STX11: variants seen among roughly 807,000 people sequenced by gnomAD.
The protein encoded by STX11 is syntaxin-11.
Under a neutral mutation model 19.9 loss-of-function variants are expected in STX11, and 21 were observed. The ratio of observed to expected loss-of-function variants is 1.06; its 90% CI spans 0.75 to 1.52. The LOEUF is 1.52. STX11 is among the 40% of genes most tolerant of loss of function. The pLI, the probability that STX11 is intolerant of heterozygous loss-of-function variation, is 0.00. For missense variants in STX11, 438 were observed against 405.9 expected (o/e 1.08, Z -0.68); for synonymous variants, 193 against 174.4 (o/e 1.11, Z -0.84).
At chr6:144,181,546 G>A (rs1157987156) in intron 1 of STX11, among the ~76,000 whole-genome samples, 2 of 128,670 alleles carry the variant, frequency 1.6e-5, no homozygotes, top group Non-Finnish European at 3.1e-5. Flanking sequence ...AGTGAGCCGA[G>A]ATAGTACCAC....
At chr6:144,140,109 AC>A in the STX11 span, among the ~76,000 whole-genome samples, 1 of 149,986 alleles carries the variant, frequency 6.7e-6, no homozygotes, top group Non-Finnish European at 1.5e-5. Flanking sequence ...AAAGATCATC[AC>A]CCACAGAGGC....
At chr6:144,179,300 C>T (rs1341958933) in intron 1 of STX11, among the ~76,000 whole-genome samples, 1 of 152,150 alleles carries the variant, frequency 6.6e-6, no homozygotes, top group Non-Finnish European at 1.5e-5. Flanking sequence ...ATGGGAGTAC[C>T]ATTCAAGATG....
At chr6:144,185,545 A>ATTACT (rs1324032871) in intron 1 of STX11, among the ~76,000 whole-genome samples, 1 of 152,236 alleles carries the variant, frequency 6.6e-6, no homozygotes, top group Non-Finnish European at 1.5e-5. Flanking sequence ...AAGCAGAGGA[A>ATTACT]TTACCAGAAC....
At chr6:144,148,590 C>T (rs1260557363), upstream of STX11, among the ~76,000 whole-genome samples, 2 of 152,166 alleles carry the variant, frequency 1.3e-5, no homozygotes, top group Non-Finnish European at 1.5e-5. Context: ...ACTAATTAAT[C>T]AACCTTGATT....
rs1367569246 is a variant in STX11 at position 144,154,247 on chromosome 6, G to T, written c.-6+3544G>T. ...GACTTTGTGGTAAGCTCAGGTTGAA[G>T]TCACTCTCCTGCCCCTAACAATTCT... On this transcript the variant is annotated intron_variant, in intron 1 of 1. Transcript: ENST00000367568. This position sits in a 1 kb window ranked among gnomAD's most constrained non-coding sequence, Gnocchi z 4.7. 6.6e-6 allele frequency among the ~76,000 whole-genome samples: 1 copy of T among 152,200 alleles called. No homozygotes were observed. Among genetic ancestry groups the T allele is most frequent in the East Asian group, 1.9e-4 (1 of 5,192 alleles).
upstream of STX11, among the ~76,000 whole-genome samples, chr6:144,149,886 G>A (rs756636553): frequency 1.2e-4 from 18 of 152,176 alleles, no homozygotes; most frequent in Non-Finnish European, 2.4e-4. This position sits in a 1 kb window ranked among gnomAD's most constrained non-coding sequence, Gnocchi z 5.1. Context: ...ATCCCTCCCC[G>A]TTAAAGTGCC....
rs1801378343 is a variant in STX11, at chr6:144,162,859, C to T, written c.-6+12156C>T. 6.6e-6 allele frequency among the ~76,000 whole-genome samples: 1 copy of T among 152,278 alleles called. No homozygotes were observed. Among genetic ancestry groups the T allele is most frequent in the Non-Finnish European group, 1.5e-5 (1 of 68,028 alleles). ...TATTCATAGAAAGTGTGTATGTTTA[C>T]CAACATGAGTGACAACATAAGTATT... On this transcript the variant is annotated intron_variant, in intron 1 of 1. Coordinates refer to ENST00000367568, the MANE Select transcript of STX11 (RefSeq NM_003764.4). This position sits in a 1 kb window ranked among gnomAD's most constrained non-coding sequence, Gnocchi z 4.6.
rs759943002 is a variant in STX11, at chr6:144,186,827, A to G, written c.200A>G (p.Lys67Arg). 1.9e-6 allele frequency: 3 copies of G among 1,613,408 alleles called. No homozygotes were observed. Among genetic ancestry groups the G allele is most frequent in the East Asian group, 2.2e-5 (1 of 44,852 alleles). ...LLVADVKRLGKQNARFLTSMR... is the reference protein window; with the variant it reads ...LLVADVKRLGRQNARFLTSMR... Reference sequence around the variant, plus strand: ...GTGGCCGACGTGAAGCGGCTGGGAAAGCAGAACGCCCGCTTCCTCACGTCC... The same window carrying G: ...GTGGCCGACGTGAAGCGGCTGGGAAGGCAGAACGCCCGCTTCCTCACGTCC... Residue 67 changes from lysine to arginine, a missense_variant, in exon 2 of 2, where the codon AAG becomes AGG. Coordinates refer to ENST00000367568, the MANE Select transcript of STX11 (RefSeq NM_003764.4).
rs1801107227 is a variant in STX11, at chr6:144,155,284, T to G, written c.-6+4581T>G. Among the ~76,000 whole-genome samples, 1 of 152,174 alleles carries G rather than the reference T, an allele frequency of 6.6e-6. No individual in the cohort carries two copies. Among genetic ancestry groups the G allele is most frequent in the Non-Finnish European group, 1.5e-5 (1 of 68,024 alleles). On this transcript the variant is annotated intron_variant, in intron 1 of 1. Transcript: ENST00000367568. This position sits in a 1 kb window ranked among gnomAD's most constrained non-coding sequence, Gnocchi z 4.5. ...ACTCACTTATTGAAGCTTTAAAATG[T>G]TCAAATGTCCACTTTGGGAGGCTGA...
At position 144,168,653 on chromosome 6, in the gene STX11, T is replaced by C. The variant is rs1394202554; in HGVS notation, c.-6+17950T>C. Among the ~76,000 whole-genome samples the C allele has an allele frequency of 2.0e-5, 3 of 152,348 alleles. No individual in the cohort carries two copies. The East Asian group carries it at 5.8e-4, about 29-fold the overall frequency. On this transcript the variant is annotated intron_variant, in intron 1 of 1. Coordinates refer to ENST00000367568, the MANE Select transcript of STX11 (RefSeq NM_003764.4). ...TCACCACGTTGTTCATCATCATCAC[T>C]GAACCCACCAGAGCTTGTGCCAGGT...
chr6:144,156,446 A>G (rs1186853717), intron 1 of STX11, among the ~76,000 whole-genome samples: 1 of 152,184 alleles, frequency 6.6e-6, no homozygotes, highest in African/African-American at 2.4e-5. Context: ...CCCATTTTGT[A>G]TACTTGTTTT....
the STX11 span, among the ~76,000 whole-genome samples, chr6:144,141,054 C>T: frequency 6.6e-5 from 10 of 152,280 alleles, no homozygotes; most frequent in South Asian, 6.2e-4. Flanking sequence ...GTTCTGCAGA[C>T]GAAGGCAATG....
upstream of STX11, among the ~76,000 whole-genome samples, chr6:144,147,097 C>T (rs1584001478): frequency 6.6e-6 from 1 of 151,876 alleles, no homozygotes; most frequent in Non-Finnish European, 1.5e-5. The surrounding 1 kb of genome is among the most constrained non-coding windows in gnomAD (Gnocchi z 4.2). Flanking sequence ...TTTTCTCCCC[C>T]ATATCATCCC....
Position 144,174,531 on chromosome 6 carries a change from G to A in STX11, c.-5-12092G>A, listed in dbSNP as rs569809944. On this transcript the variant is annotated intron_variant, in intron 1 of 1. Transcript: ENST00000367568. This position sits in a 1 kb window ranked among gnomAD's most constrained non-coding sequence, Gnocchi z 5.3. ...ACTGCAGGTGTGCACCACCACACCC[G>A]GCTAATTTTTGTGTTTTTGTAGAGC... Among the ~76,000 whole-genome samples the A allele has an allele frequency of 3.3e-4, 50 of 152,036 alleles. No individual in the cohort carries two copies. In the South Asian group the frequency reaches 6.0e-3, roughly 18 times the overall value.
chr6:144,159,475 A>T lies in STX11; in HGVS notation c.-6+8772A>T, dbSNP rs768952172. Among the ~76,000 whole-genome samples the T allele has an allele frequency of 9.9e-5, 15 of 151,916 alleles. No homozygotes were observed. Among genetic ancestry groups the T allele is most frequent in the Non-Finnish European group, 2.1e-4 (14 of 68,006 alleles). ...TTTGGTTACAAGAGACTACTTTTTA[A>T]CAAAGGAAGATCTTTTGGTTGAGCT... is the stretch of plus-strand genomic sequence containing the variant. On this transcript the variant is annotated intron_variant, in intron 1 of 1. Transcript: ENST00000367568. This position sits in a 1 kb window ranked among gnomAD's most constrained non-coding sequence, Gnocchi z 4.3.
chr6:144,168,694 T>G (rs1801548436), intron 1 of STX11, among the ~76,000 whole-genome samples: 1 of 152,214 alleles, frequency 6.6e-6, no homozygotes, highest in South Asian at 2.1e-4. Context: ...CAACTGTATC[T>G]TTAGTCATGT....
In STX11 at chr6:144,189,531, G is replaced by A. The variant is rs949790687; in HGVS notation, c.*2040G>A. 6.6e-6 allele frequency among the ~76,000 whole-genome samples: 1 copy of A among 152,106 alleles called. No homozygotes were observed. The highest frequency in any genetic ancestry group is 2.4e-5 in the African/African-American group (1 of 41,404). On this transcript the variant is annotated 3_prime_UTR_variant, in exon 2 of 2. Transcript: ENST00000367568. Reference sequence around the variant, plus strand: ...TTACCCACATTTACCATGTTTCCTGGCCTTCCTCTGTGTCAACTCTTAGCT... The same window carrying A: ...TTACCCACATTTACCATGTTTCCTGACCTTCCTCTGTGTCAACTCTTAGCT...
the STX11 span, chr6:144,140,866 T>G: frequency 1.2e-6 from 1 of 851,596 alleles, no homozygotes; most frequent in African/African-American, 1.8e-5. Flanking sequence ...CAAATTCATC[T>G]AAATGAACAG....
At position 144,182,852 on chromosome 6, in the gene STX11, C is replaced by T. The variant is rs1191061986; in HGVS notation, c.-5-3771C>T. On this transcript the variant is annotated intron_variant, in intron 1 of 1. Coordinates refer to ENST00000367568, the MANE Select transcript of STX11 (RefSeq NM_003764.4). This position sits in a 1 kb window ranked among gnomAD's most constrained non-coding sequence, Gnocchi z 4.8. The stretch of plus-strand genomic sequence containing the variant: ...GGAAGGAAGGCATCTCTCACCTATT[C>T]TTGCCTTGTTCATCAAAATGCATCC... Among the ~76,000 whole-genome samples the T allele has an allele frequency of 1.3e-5, 2 of 152,188 alleles. No individual in the cohort carries two copies. The highest frequency in any genetic ancestry group is 3.9e-4 in the East Asian group (2 of 5,192).
Sources: allele counts gnomAD v4.1 joint callset (sites outside exome capture counted in the v4.1 genomes callset), GRCh38; gene constraint gnomAD v4.1.1; non-coding constraint Gnocchi (gnomAD v3.1); transcripts MANE v1.5; gene names NCBI Gene and HGNC (gene_info 2026-07-23, HGNC 2026-07-21).